The following N4BP2 variants were observed in gnomAD, a reference collection of about 807,000 sequenced individuals.
N4BP2 encodes NEDD4-binding protein 2.
Under a neutral mutation model 152.8 loss-of-function variants are expected in N4BP2, and 91 were observed. That is an observed-to-expected ratio of 0.60 (90% CI 0.50 to 0.71). The LOEUF (loss-of-function observed/expected upper bound fraction) is 0.71. Ranked by LOEUF, N4BP2 falls within the 30% of genes least tolerant of loss-of-function variation. The pLI is 0.00. For missense variants in N4BP2, 1,923 were observed against 2,059.1 expected, an observed-to-expected ratio of 0.93 and a Z score of 1.28; for synonymous variants, 646 against 705.3, an observed-to-expected ratio of 0.92 and a Z score of 1.33.
intron 1 of N4BP2, among the ~76,000 whole-genome samples, chr4:40,072,509 GC>G (rs1712307429): frequency 6.6e-6 from 1 of 151,622 alleles, no homozygotes; most frequent in African/African-American, 2.4e-5. Flanking sequence ...CTCCCAACGT[GC>G]TGGGATTACA....
At position 40,153,038 on chromosome 4, in the gene N4BP2, G is replaced by A. The variant is rs945141371; in HGVS notation, c.5267+135G>A. 1.9e-4 allele frequency: 139 copies of A among 714,240 alleles called. 1 individual carries two copies. Among genetic ancestry groups the A allele is most frequent in the African/African-American group, 1.4e-3 (77 of 55,456 alleles). The allele number at this position is 714,240 out of a possible 1,614,324, so 44.2% of individuals were successfully genotyped here. Reference sequence around the variant, plus strand: ...AGCTAGGTAAATAAACACTAATAGCGTACTCAGAACAATCTGTTAAAATAG... The same window carrying A: ...AGCTAGGTAAATAAACACTAATAGCATACTCAGAACAATCTGTTAAAATAG... On this transcript the variant is annotated intron_variant, in intron 17 of 17. Coordinates refer to ENST00000261435, the MANE Select transcript of N4BP2 (RefSeq NM_018177.6).
intron 15 of N4BP2, among the ~76,000 whole-genome samples, chr4:40,143,919 A>G (rs1175244163): frequency 6.6e-6 from 1 of 152,082 alleles, no homozygotes; most frequent in African/African-American, 2.4e-5. Context: ...AGAGGTGGAG[A>G]AGTCCCATAA....
At position 40,156,704 on chromosome 4, in the gene N4BP2, G is replaced by A. The variant is rs2109299846; in HGVS notation, c.*2467G>A. The A allele has an allele frequency of 6.7e-6, 1 of 150,114 alleles. No homozygotes were observed. Among genetic ancestry groups the A allele is most frequent in the East Asian group, 1.9e-4 (1 of 5,186 alleles). The allele number at this position is 150,114 out of a possible 1,614,324, so 9.3% of individuals were successfully genotyped here. A position where few individuals can be genotyped will look rare whatever the true frequency, so the allele number is the denominator to read the frequency against. Reference sequence around the variant, plus strand: ...GTTTGGAGATTATAAAAATTTTCATGTATTGGTGTAGGTTGAGTATCCCTA... The same window carrying A: ...GTTTGGAGATTATAAAAATTTTCATATATTGGTGTAGGTTGAGTATCCCTA... On this transcript the variant is annotated 3_prime_UTR_variant, in exon 18 of 18. Coordinates refer to ENST00000261435, the MANE Select transcript of N4BP2 (RefSeq NM_018177.6).
At chr4:40,185,002 G>A in the N4BP2 span, among the ~76,000 whole-genome samples, 2 of 151,774 alleles carry the variant, frequency 1.3e-5, no homozygotes, top group Non-Finnish European at 2.9e-5. Flanking sequence ...AATAAATTGG[G>A]ATTTTACTGT....
At chr4:40,093,601 T>A (rs912077327) in intron 2 of N4BP2, among the ~76,000 whole-genome samples, 3 of 150,146 alleles carry the variant, frequency 2.0e-5, no homozygotes, top group African/African-American at 7.3e-5. Flanking sequence ...TTTATTTATT[T>A]ATTATTATTA....
Position 40,152,865 on chromosome 4 carries a change from A to T in N4BP2, c.5229A>T (p.Lys1743Asn), listed in dbSNP as rs771107724. 5.9e-5 allele frequency: 96 copies of T among 1,613,974 alleles called. No individual in the cohort carries two copies. The Admixed American group carries it at 1.6e-3, about 27-fold the overall frequency. The change falls in exon 17 of 18, where the codon AAA becomes AAT. Residue 1743 changes from lysine (K) to asparagine (N), a missense_variant. By Grantham distance (94) the Lys-to-Asn change is moderately conservative. Transcript: ENST00000261435. ...NHSQGGVARI[K>N]PAVIKYLISH... ...GCCAGGGAGGAGTTGCTCGCATCAA[A>T]CCAGCTGTCATTAAGTACCTCATAA...
downstream of N4BP2, among the ~76,000 whole-genome samples, chr4:40,162,613 G>A (rs10008656): frequency 0.027 from 4,156 of 152,272 alleles, 190 homozygotes; most frequent in African/African-American, 0.094. Context: ...AGGTATGCCA[G>A]GGAGTACCCC....
At chr4:40,109,552 T>C (rs1315735141) in intron 5 of N4BP2, among the ~76,000 whole-genome samples, 1 of 152,056 alleles carries the variant, frequency 6.6e-6, no homozygotes, top group African/African-American at 2.4e-5. Flanking sequence ...ACCCCATCTC[T>C]ACTAAAAATA....
chr4:40,180,960 A>T, the N4BP2 span, among the ~76,000 whole-genome samples: 1 of 152,068 alleles, frequency 6.6e-6, no homozygotes, highest in East Asian at 1.9e-4. Flanking sequence ...GACCAGCCTG[A>T]CCAAGATGGT....
Position 40,156,249 on chromosome 4 carries a change from C to T in N4BP2, c.*2012C>T, listed in dbSNP as rs915585290. On this transcript the variant is annotated 3_prime_UTR_variant, in exon 18 of 18. Transcript: ENST00000261435. The stretch of plus-strand genomic sequence containing the variant: ...CCTAGTTTTAAAAATCATCACTTTT[C>T]GGCACTTCAGCTAGACTTATTTCAA... 7.9e-5 allele frequency: 12 copies of T among 152,120 alleles called. No homozygotes were observed. The highest frequency in any genetic ancestry group is 5.8e-4 in the East Asian group (3 of 5,184). The allele number at this position is 152,120 out of a possible 1,614,324, so 9.4% of individuals were successfully genotyped here.
intron 7 of N4BP2, among the ~76,000 whole-genome samples, chr4:40,115,867 A>G (rs953145811): frequency 1.3e-5 from 2 of 152,254 alleles, no homozygotes; most frequent in African/African-American, 4.8e-5. Flanking sequence ...TGTTACTCAT[A>G]TCTCCTGTAT....
chr4:40,120,365 C>A lies in N4BP2; in HGVS notation c.2254C>A (p.Pro752Thr), dbSNP rs1161212089. The A allele has an allele frequency of 6.2e-7, 1 of 1,613,160 alleles. No individual in the cohort carries two copies. The highest frequency in any genetic ancestry group is 1.1e-5 in the South Asian group (1 of 91,030). The change falls in exon 9 of 18, where the codon CCT becomes ACT. Residue 752 changes from proline to threonine, a missense_variant. Physicochemically the swap from Pro to Thr is conservative, Grantham distance 38. Coordinates refer to ENST00000261435, the MANE Select transcript of N4BP2 (RefSeq NM_018177.6). The part of the protein sequence containing the change: ...SGPLQNEKSS[P>T]GEIVEERATV... ...ACCACTTCAAAATGAAAAATCCTCA[C>A]CTGGTGAAATAGTGGAAGAAAGAGC...
Position 40,102,115 on chromosome 4 carries a change from T to C in N4BP2, c.270T>C (p.Thr90=). The C allele has an allele frequency of 6.2e-7, 1 of 1,610,026 alleles. No individual in the cohort carries two copies. The highest frequency in any genetic ancestry group is 8.5e-7 in the Non-Finnish European group (1 of 1,178,352). ...AMDCLLELSA[T]DTKIEESSSQ... The stretch of plus-strand genomic sequence containing the variant: ...ATTGTCTATTAGAATTATCTGCCAC[T>C]GATACCAAGATAGAAGAATCATCTT... Residue 90 remains threonine, a synonymous_variant, in exon 4 of 18, where the codon ACT becomes ACC. Transcript: ENST00000261435.
Position 40,120,444 on chromosome 4 carries a change from A to C in N4BP2, c.2333A>C (p.Lys778Thr), listed in dbSNP as rs772512614. Residue 778 changes from lysine (K) to threonine (T), a missense_variant, in exon 9 of 18, where the codon AAG (lysine) becomes ACG (threonine). Physicochemically the swap from Lys to Thr is moderately conservative, Grantham distance 78. Transcript: ENST00000261435. Reference sequence around the variant, plus strand: ...CAAAAAAGCAAATCGACTTTGGAAAAGTTCCCAAGACATGAGCTATCAAAT... The same window carrying C: ...CAAAAAAGCAAATCGACTTTGGAAACGTTCCCAAGACATGAGCTATCAAAT... ...GKQKSKSTLEKFPRHELSNFV... is the reference protein window; with the variant it reads ...GKQKSKSTLETFPRHELSNFV... 1.9e-6 allele frequency: 3 copies of C among 1,613,950 alleles called. No homozygotes were observed. The highest frequency in any genetic ancestry group is 2.5e-6 in the Non-Finnish European group (3 of 1,180,038).
intron 13 of N4BP2, among the ~76,000 whole-genome samples, 157 bp downstream of exon 13, chr4:40,132,076 C>T (rs913109725): frequency 3.3e-5 from 5 of 152,076 alleles, no homozygotes; most frequent in African/African-American, 7.2e-5. Flanking sequence ...CATGAAACCA[C>T]GAATATAGCT....
intron 2 of N4BP2, among the ~76,000 whole-genome samples, chr4:40,088,502 G>GTTTTT (rs199929808): frequency 7.2e-6 from 1 of 139,498 alleles, no homozygotes; most frequent in Non-Finnish European, 1.5e-5. Context: ...TCTCATTATA[G>GTTTTT]TTTTTTTTTT....
At chr4:40,174,550 C>T in the N4BP2 span, among the ~76,000 whole-genome samples, 2 of 151,558 alleles carry the variant, frequency 1.3e-5, no homozygotes, top group Non-Finnish European at 2.9e-5. Flanking sequence ...CGCCTGTAAT[C>T]CCAGTACTTT....
the N4BP2 span, among the ~76,000 whole-genome samples, chr4:40,179,729 T>C: frequency 6.6e-6 from 1 of 151,994 alleles, no homozygotes; most frequent in Non-Finnish European, 1.5e-5. Flanking sequence ...TAGGAAAATA[T>C]TGTTTACATT....
chr4:40,170,526 T>C, the N4BP2 span, among the ~76,000 whole-genome samples: 2 of 152,162 alleles, frequency 1.3e-5, no homozygotes, highest in Admixed American at 1.3e-4. Flanking sequence ...AGTCCCACTC[T>C]ACTTGTGGGG....
Sources: gnomAD v4.1 joint callset for allele counts (sites outside exome capture counted in the v4.1 genomes callset) on GRCh38, gnomAD v4.1.1 for gene constraint, MANE v1.5 for transcripts, NCBI Gene and HGNC (gene_info 2026-07-23, HGNC 2026-07-21) for gene names.